The following ZDHHC14 variants were observed in gnomAD, a reference collection of about 807,000 sequenced individuals.
ZDHHC14 encodes the protein zDHHC palmitoyltransferase 14.
A neutral mutation model predicts 47.7 loss-of-function variants in ZDHHC14; 16 were observed. That is an observed-to-expected ratio of 0.34 (90% CI 0.23 to 0.51). The LOEUF (loss-of-function observed/expected upper bound fraction) is 0.51. ZDHHC14 is among the 20% of genes least tolerant of loss of function. The pLI is 0.97. For missense variants in ZDHHC14, 515 were observed against 662.5 expected, an observed-to-expected ratio of 0.78 and a Z score of 2.44; for synonymous variants, 293 against 278.9, an observed-to-expected ratio of 1.05 and a Z score of -0.50.
At chr6:157,559,106 G>T (rs1392186616) in intron 2 of ZDHHC14, among the ~76,000 whole-genome samples, 1 of 152,170 alleles carries the variant, frequency 6.6e-6, no homozygotes, top group African/African-American at 2.4e-5. Context: ...AATGGTTGTT[G>T]GTTTTCTTTA....
intron 3 of ZDHHC14, among the ~76,000 whole-genome samples, chr6:157,624,122 T>C (rs1785306014): frequency 6.6e-6 from 1 of 152,190 alleles, no homozygotes; most frequent in African/African-American, 2.4e-5. Context: ...AGCAATGTCA[T>C]GTGTTGGTTG....
intron 1 of ZDHHC14, among the ~76,000 whole-genome samples, chr6:157,437,714 C>T (rs564758157): frequency 8.5e-5 from 13 of 152,306 alleles, no homozygotes; most frequent in African/African-American, 3.1e-4. Flanking sequence ...CTCTTCTCTG[C>T]AACAGTGTTA....
chr6:157,421,492 C>CAAAAAAAA (rs147380621), intron 1 of ZDHHC14, among the ~76,000 whole-genome samples: 7 of 56,704 alleles, frequency 1.2e-4, no homozygotes, highest in Non-Finnish European at 1.5e-4. Context: ...GACTCCGTCT[C>CAAAAAAAA]AAAAAAAAAA....
At position 157,427,035 on chromosome 6, in the gene ZDHHC14, A is replaced by G. The variant is rs375251459; in HGVS notation, c.245+44769A>G. Among the ~76,000 whole-genome samples, 58 of 152,188 alleles carry G rather than the reference A, an allele frequency of 3.8e-4. No homozygotes were observed. The highest frequency in any genetic ancestry group is 1.3e-3 in the African/African-American group (53 of 41,532). ...GAAGGTAGGTGAGGAATCGGTCTAG[A>G]GGAAAAGGAGGAGAGGCACGGTGCG... On this transcript the variant is annotated intron_variant, in intron 1 of 8. Transcript: ENST00000359775. This position sits in a 1 kb window ranked among gnomAD's most constrained non-coding sequence, Gnocchi z 4.4.
chr6:157,554,625 G>A (rs1292067096), intron 2 of ZDHHC14, among the ~76,000 whole-genome samples: 2 of 152,164 alleles, frequency 1.3e-5, no homozygotes, highest in African/African-American at 4.8e-5. Flanking sequence ...AGATTTAGAG[G>A]ACAAGGAATT....
At chr6:157,479,940 C>G (rs1779582664) in intron 1 of ZDHHC14, among the ~76,000 whole-genome samples, 1 of 152,188 alleles carries the variant, frequency 6.6e-6, no homozygotes, top group Non-Finnish European at 1.5e-5. Context: ...CTGGGTTAGA[C>G]TCTCCTCACA....
intron 3 of ZDHHC14, among the ~76,000 whole-genome samples, chr6:157,617,076 C>G (rs1261370694): frequency 1.3e-5 from 2 of 152,184 alleles, no homozygotes; most frequent in Non-Finnish European, 2.9e-5. Context: ...AAAGAACCCT[C>G]CAGGTGAATC....
At chr6:157,540,884 A>ATGTGTGTGTGTGTGTGTGTGTG (rs761747961) in intron 1 of ZDHHC14, among the ~76,000 whole-genome samples, 51 of 117,648 alleles carry the variant, frequency 4.3e-4, no homozygotes, top group African/African-American at 1.4e-3. Context: ...ATATATATGT[A>ATGTGTGTGTGTGTGTGTGTGTG]TGTATGTGTG....
At chr6:157,552,079 C>T (rs531469627) in intron 2 of ZDHHC14, among the ~76,000 whole-genome samples, 2 of 152,190 alleles carry the variant, frequency 1.3e-5, no homozygotes, top group African/African-American at 2.4e-5. Flanking sequence ...GAAGAAATGA[C>T]GTCTTCTGTT....
intron 2 of ZDHHC14, among the ~76,000 whole-genome samples, chr6:157,587,480 G>C (rs1388644209): frequency 6.6e-6 from 1 of 152,194 alleles, no homozygotes. Context: ...CAGCCACCTG[G>C]GGTGCCAGGC....
Position 157,672,763 on chromosome 6 carries a change from T to C in ZDHHC14, c.1108T>C (p.Leu370=). Residue 370 remains leucine (L), a synonymous_variant, in exon 9 of 9, where the codon TTG becomes CTG. Coordinates refer to ENST00000359775, the MANE Select transcript of ZDHHC14 (RefSeq NM_024630.3). ...DQCIQSTKFV[L]QAAATPLLQS... ...GTGCATTCAGAGCACCAAATTCGTT[T>C]TGCAGGCTGCAGCCACGCCCCTGCT... 6.2e-7 allele frequency: 1 copy of C among 1,612,766 alleles called. No individual in the cohort carries two copies. Among genetic ancestry groups the C allele is most frequent in the Non-Finnish European group, 8.5e-7 (1 of 1,179,864 alleles).
intron 1 of ZDHHC14, among the ~76,000 whole-genome samples, chr6:157,412,219 G>A (rs796856505): frequency 1.6e-4 from 25 of 152,056 alleles, no homozygotes; most frequent in African/African-American, 6.0e-4. Context: ...GATTACAGAC[G>A]TGAGCCACTG....
At chr6:157,550,241 C>T (rs958206729) in intron 2 of ZDHHC14, among the ~76,000 whole-genome samples, 23 of 152,148 alleles carry the variant, frequency 1.5e-4, no homozygotes, top group African/African-American at 2.9e-4. Flanking sequence ...AGCTAGCGAC[C>T]GCAGCATCAC....
chr6:157,659,409 G>C lies in ZDHHC14; in HGVS notation c.1068+5782G>C, dbSNP rs138069900. ...TTCTCCCGCTTTGCGTCATGTTAGG[G>C]CCATGAGAAATACGCGTACCAATTA... On this transcript the variant is annotated intron_variant, in intron 8 of 8. Transcript: ENST00000359775. 5.5e-4 allele frequency among the ~76,000 whole-genome samples: 84 copies of C among 152,370 alleles called. 1 individual carries two copies. In the East Asian group the frequency reaches 0.013, roughly 24 times the overall value.
rs369079574 is a variant in ZDHHC14 at position 157,567,454 on chromosome 6, C to G, written c.406+24709C>G. Among the ~76,000 whole-genome samples, 4 of 152,164 alleles carry G rather than the reference C, an allele frequency of 2.6e-5. No individual in the cohort carries two copies. The South Asian group carries it at 8.3e-4, about 32-fold the overall frequency. ...TGCGGGCTTGGTTCATCTGGGCATG[C>G]TCAGGTTATGTGACCTTCAACCTGG... is the stretch of plus-strand genomic sequence containing the variant. On this transcript the variant is annotated intron_variant, in intron 2 of 8. Coordinates refer to ENST00000359775, the MANE Select transcript of ZDHHC14 (RefSeq NM_024630.3).
chr6:157,574,974 A>G (rs1056458975), intron 2 of ZDHHC14, among the ~76,000 whole-genome samples: 21 of 152,332 alleles, frequency 1.4e-4, no homozygotes, highest in African/African-American at 4.8e-4. Context: ...TATGGGGGGC[A>G]GGGAAGAGGC....
intron 5 of ZDHHC14, among the ~76,000 whole-genome samples, chr6:157,643,415 C>G (rs915596412): frequency 7.9e-5 from 12 of 151,828 alleles, no homozygotes; most frequent in African/African-American, 2.7e-4. Context: ...AATCCCAGCA[C>G]TTTGGGAGGA....
chr6:157,657,119 G>C (rs1318855918), intron 8 of ZDHHC14, among the ~76,000 whole-genome samples: 3 of 152,122 alleles, frequency 2.0e-5, no homozygotes, highest in African/African-American at 7.2e-5. Flanking sequence ...TGAAATCTCA[G>C]CTCACTGCAA....
chr6:157,541,659 T>C (rs541930292), intron 1 of ZDHHC14, among the ~76,000 whole-genome samples: 1 of 152,360 alleles, frequency 6.6e-6, no homozygotes, highest in South Asian at 2.1e-4. Flanking sequence ...GGACTGACTG[T>C]GGTCACTGCA....
Sources: gnomAD v4.1 joint callset for allele counts (sites outside exome capture counted in the v4.1 genomes callset) on GRCh38, gnomAD v4.1.1 for gene constraint, Gnocchi (gnomAD v3.1) non-coding constraint, MANE v1.5 for transcripts, NCBI Gene and HGNC (gene_info 2026-07-23, HGNC 2026-07-21) for gene names.